Variants in MTUS2 observed in about 807,000 individuals in gnomAD.
MTUS2 encodes the protein microtubule associated scaffold protein 2.
In MTUS2, 40 loss-of-function variants were observed where a neutral mutation model predicts 114.1. That is an observed-to-expected ratio of 0.35 (90% CI 0.27 to 0.46). The LOEUF (loss-of-function observed/expected upper bound fraction) is 0.46. Among genes scored for constraint, MTUS2 ranks in the 20% least tolerant of loss-of-function variants. MTUS2 has a pLI of 1.00. For missense variants in MTUS2, 1,679 were observed against 1,705.4 expected (o/e 0.98, Z 0.27); for synonymous variants, 688 against 672.0 (o/e 1.02, Z -0.37).
At chr13:28,828,347 A>G (rs961825061) in intron 1 of MTUS2, among the ~76,000 whole-genome samples, 1 of 152,160 alleles carries the variant, frequency 6.6e-6, no homozygotes, top group African/African-American at 2.4e-5. Flanking sequence ...CAATTTGTGC[A>G]GTTAACACAA....
chr13:29,205,464 A>G (rs977404754), intron 5 of MTUS2, among the ~76,000 whole-genome samples: 6 of 152,058 alleles, frequency 3.9e-5, no homozygotes, highest in African/African-American at 1.2e-4. Context: ...AATTACATGT[A>G]TAAGTTCTTT....
chr13:29,238,965 G>A (rs1354032866), intron 5 of MTUS2, among the ~76,000 whole-genome samples: 1 of 152,160 alleles, frequency 6.6e-6, no homozygotes, highest in East Asian at 1.9e-4. Context: ...TGGGGTAAAT[G>A]GGGAGATCTT....
intron 2 of MTUS2, among the ~76,000 whole-genome samples, chr13:28,910,048 CTT>C (rs750903795): frequency 6.6e-6 from 1 of 152,130 alleles, no homozygotes; most frequent in African/African-American, 2.4e-5. Context: ...CAGTTATACT[CTT>C]TTATTTTTAA....
At chr13:29,065,731 G>C (rs947868009) in intron 4 of MTUS2, among the ~76,000 whole-genome samples, 14 of 152,132 alleles carry the variant, frequency 9.2e-5, no homozygotes, top group Admixed American at 2.6e-4. Context: ...GTCAGTCCTG[G>C]TGCTCTGAGT....
intron 4 of MTUS2, among the ~76,000 whole-genome samples, chr13:29,069,576 A>G (rs1304492701): frequency 6.6e-6 from 1 of 152,194 alleles, no homozygotes; most frequent in African/African-American, 2.4e-5. Flanking sequence ...TGAGTATCCC[A>G]TGTCCTACTC....
intron 4 of MTUS2, among the ~76,000 whole-genome samples, chr13:29,092,747 G>C (rs528568878): frequency 0.3 from 45,461 of 151,660 alleles, 7,170 homozygotes; most frequent in East Asian, 0.6. Flanking sequence ...TGGCCATGGA[G>C]GTCTCTGGCT....
intron 5 of MTUS2, among the ~76,000 whole-genome samples, chr13:29,238,356 A>T (rs775131127): frequency 1.3e-5 from 2 of 152,204 alleles, no homozygotes; most frequent in African/African-American, 2.4e-5. Context: ...TCACAAGGTG[A>T]AGTCTCACAA....
At chr13:29,211,359 A>G (rs1212555681) in intron 5 of MTUS2, among the ~76,000 whole-genome samples, 1 of 152,294 alleles carries the variant, frequency 6.6e-6, no homozygotes. Flanking sequence ...GCCCCAGGCT[A>G]CAAGCCTCCC....
At chr13:29,077,406 AT>A (rs1453630834) in intron 4 of MTUS2, among the ~76,000 whole-genome samples, 8 of 152,200 alleles carry the variant, frequency 5.3e-5, no homozygotes, top group African/African-American at 1.9e-4. Context: ...TAAAAAAAAA[AT>A]GAGCCCAAAC....
intron 6 of MTUS2, among the ~76,000 whole-genome samples, chr13:29,305,835 A>C (rs1001898335): frequency 6.6e-5 from 10 of 152,216 alleles, no homozygotes; most frequent in African/African-American, 2.4e-4. Flanking sequence ...ATACAGCAAA[A>C]AGAGAAAACT....
intron 3 of MTUS2, among the ~76,000 whole-genome samples, chr13:29,032,056 AAAC>A (rs1886854809): frequency 6.6e-6 from 1 of 152,162 alleles, no homozygotes; most frequent in Non-Finnish European, 1.5e-5. Flanking sequence ...TGGGGTTTCC[AAAC>A]GTTGTTTTAT....
chr13:29,186,089 A>T (rs551208195), intron 5 of MTUS2, among the ~76,000 whole-genome samples: 6 of 152,222 alleles, frequency 3.9e-5, no homozygotes, highest in South Asian at 4.2e-4. Flanking sequence ...TGGCACATGC[A>T]TGTAGTCCTA....
At chr13:28,830,029 C>T (rs1874556826) in intron 1 of MTUS2, among the ~76,000 whole-genome samples, 1 of 152,112 alleles carries the variant, frequency 6.6e-6, no homozygotes, top group African/African-American at 2.4e-5. Context: ...CACGCGTAAT[C>T]CCTCAGCAAA....
At chr13:28,954,376 C>T (rs776870666) in intron 2 of MTUS2, among the ~76,000 whole-genome samples, 8 of 152,152 alleles carry the variant, frequency 5.3e-5, no homozygotes, top group African/African-American at 1.9e-4. Context: ...CAAGGCACTA[C>T]AGATGACACA....
intron 4 of MTUS2, among the ~76,000 whole-genome samples, chr13:29,099,429 A>G (rs889903718): frequency 2.6e-4 from 39 of 152,098 alleles, no homozygotes; most frequent in African/African-American, 9.2e-4. Flanking sequence ...CCATAGCCTC[A>G]CTTTCGGGGG....
chr13:29,127,226 T>C (rs1891557778), intron 5 of MTUS2, among the ~76,000 whole-genome samples: 1 of 152,170 alleles, frequency 6.6e-6, no homozygotes, highest in African/African-American at 2.4e-5. Flanking sequence ...GAGAGGTCTC[T>C]GTCCTGTCCT....
chr13:29,112,497 G>A (rs1406266008), intron 5 of MTUS2, among the ~76,000 whole-genome samples: 1 of 152,180 alleles, frequency 6.6e-6, no homozygotes, highest in Admixed American at 6.5e-5. Flanking sequence ...AGGTTACAAG[G>A]GGGTAAGGAA....
intron 4 of MTUS2, among the ~76,000 whole-genome samples, chr13:29,052,201 G>T (rs1462220084): frequency 1.3e-5 from 2 of 152,124 alleles, no homozygotes; most frequent in African/African-American, 4.8e-5. Context: ...ATCAAAACAG[G>T]CCTGGCACAG....
At chr13:28,945,067 G>A (rs1355880526) in intron 2 of MTUS2, among the ~76,000 whole-genome samples, 1 of 152,042 alleles carries the variant, frequency 6.6e-6, no homozygotes, top group Non-Finnish European at 1.5e-5. Flanking sequence ...GGTGAGAAAT[G>A]CAGTATTTGA....
Sources: gnomAD v4.1 joint callset for allele counts (sites outside exome capture counted in the v4.1 genomes callset) on GRCh38, gnomAD v4.1.1 for gene constraint, MANE v1.5 for transcripts, NCBI Gene and HGNC (gene_info 2026-07-23, HGNC 2026-07-21) for gene names.